Variants in ASXL3 observed in about 807,000 individuals in gnomAD.
ASXL3 encodes the protein putative Polycomb group protein ASXL3.
Under a neutral mutation model 170.6 loss-of-function variants are expected in ASXL3, and 34 were observed. The observed-to-expected ratio is 0.20, with a 90% CI of 0.15 to 0.27. The LOEUF is 0.27. Among genes scored for constraint, ASXL3 ranks in the 10% least tolerant of loss-of-function variants. ASXL3 has a pLI of 1.00. For synonymous variants in ASXL3, 1,002 were observed against 989.1 expected (o/e 1.01, Z -0.24); for missense variants, 2,592 against 2,695.3 (o/e 0.96, Z 0.85).
At chr18:33,719,534 G>A (rs969760663) in intron 8 of ASXL3, among the ~76,000 whole-genome samples, 2 of 151,962 alleles carry the variant, frequency 1.3e-5, no homozygotes, top group Non-Finnish European at 2.9e-5. Context: ...TAATGGAAAA[G>A]GTATCATTTT....
chr18:33,623,000 C>T (rs558014919), intron 2 of ASXL3, among the ~76,000 whole-genome samples: 81 of 152,114 alleles, frequency 5.3e-4, no homozygotes, highest in African/African-American at 1.9e-3. Flanking sequence ...TCACTTTTTA[C>T]CTTTGAAAAA....
chr18:33,706,077 G>A (rs1350616954), intron 8 of ASXL3, among the ~76,000 whole-genome samples: 2 of 148,414 alleles, frequency 1.3e-5, no homozygotes, highest in Non-Finnish European at 3.0e-5. Context: ...TCCATTGAGT[G>A]ACATAATAAT....
intron 1 of ASXL3, among the ~76,000 whole-genome samples, chr18:33,601,767 T>A (rs2065185024): frequency 2.4e-5 from 2 of 83,528 alleles, no homozygotes; most frequent in Admixed American, 2.3e-4. Flanking sequence ...ATCTGAGAAT[T>A]TAAGTAAATA....
At position 33,749,073 on chromosome 18, in the gene ASXL3, G is replaced by C. The variant is rs1371859734; in HGVS notation, c.*2478G>C. 1 of 111,398 alleles carries C rather than the reference G, an allele frequency of 9.0e-6. No homozygotes were observed. The highest frequency in any genetic ancestry group is 1.7e-5 in the Non-Finnish European group (1 of 59,586). The allele number at this position is 111,398 out of a possible 1,614,324, so 6.9% of individuals were successfully genotyped here. A position where few individuals can be genotyped will look rare whatever the true frequency, so the allele number is the denominator to read the frequency against. On this transcript the variant is annotated 3_prime_UTR_variant, in exon 12 of 12. Coordinates refer to ENST00000269197, the MANE Select transcript of ASXL3 (RefSeq NM_030632.3). ...GGTCCGATTAGCATAATTTTTCTGC[G>C]CCCTTTTTTTTTTTTTTTTTGCTCC...
At chr18:33,606,402 G>T (rs1453273613) in intron 1 of ASXL3, among the ~76,000 whole-genome samples, 2 of 151,940 alleles carry the variant, frequency 1.3e-5, no homozygotes, top group African/African-American at 2.4e-5. Flanking sequence ...ACTAGAAAGA[G>T]AGAATAGGAA....
intron 5 of ASXL3, among the ~76,000 whole-genome samples, chr18:33,663,204 G>C (rs1472392889): frequency 6.6e-6 from 1 of 152,116 alleles, no homozygotes; most frequent in Admixed American, 6.5e-5. Flanking sequence ...CAGCAAATAA[G>C]ATGCAGGTAA....
intron 2 of ASXL3, among the ~76,000 whole-genome samples, chr18:33,628,620 A>G (rs1229258144): frequency 6.6e-6 from 1 of 152,206 alleles, no homozygotes; most frequent in East Asian, 1.9e-4. Flanking sequence ...AACTTACTCT[A>G]AGGATCTGTG....
In ASXL3 at chr18:33,743,360, A is replaced by C; in HGVS notation, c.3512A>C (p.Lys1171Thr). ...VNPNCRSPSN[K>T]SAHLRETTTV... ...CCAAACTGTAGATCTCCTAGCAACA[A>C]GTCTGCCCACCTCCGGGAGACCACC... Residue 1171 changes from lysine to threonine, a missense_variant, in exon 12 of 12, where the codon AAG (lysine) becomes ACG (threonine). Lys to Thr is a moderately conservative substitution (Grantham distance 78). Transcript: ENST00000269197. The C allele has an allele frequency of 6.2e-7, 1 of 1,613,548 alleles. No individual in the cohort carries two copies. The highest frequency in any genetic ancestry group is 1.1e-5 in the South Asian group (1 of 91,080).
intron 2 of ASXL3, among the ~76,000 whole-genome samples, chr18:33,622,950 A>C (rs2065538219): frequency 6.6e-6 from 1 of 152,120 alleles, no homozygotes; most frequent in Non-Finnish European, 1.5e-5. Flanking sequence ...TTTTTCATTA[A>C]ATCCCATGTG....
chr18:33,737,773 C>G (rs1023331578), intron 10 of ASXL3, among the ~76,000 whole-genome samples: 2 of 152,082 alleles, frequency 1.3e-5, no homozygotes, highest in Non-Finnish European at 2.9e-5. Context: ...TTGAGTAATA[C>G]TTCTTAGATT....
At chr18:33,674,720 C>G (rs2066398123) in intron 7 of ASXL3, among the ~76,000 whole-genome samples, 1 of 151,902 alleles carries the variant, frequency 6.6e-6, no homozygotes, top group African/African-American at 2.4e-5. Context: ...TCGGGTTCAC[C>G]CCATTCTGCT....
chr18:33,599,563 TG>T (rs2065163052), intron 1 of ASXL3, among the ~76,000 whole-genome samples: 1 of 152,136 alleles, frequency 6.6e-6, no homozygotes, highest in African/African-American at 2.4e-5. Context: ...ACCGAGCAAT[TG>T]GAAAACAATG....
At chr18:33,731,210 C>CA (rs5823916) in intron 8 of ASXL3, among the ~76,000 whole-genome samples, 60,846 of 151,722 alleles carry the variant, frequency 0.4, 13,223 homozygotes, top group East Asian at 0.81. Flanking sequence ...CAAAAACAAA[C>CA]AAAAAAGTGA....
intron 1 of ASXL3, among the ~76,000 whole-genome samples, chr18:33,602,425 T>G (rs1450574769): frequency 6.6e-6 from 1 of 152,100 alleles, no homozygotes; most frequent in Non-Finnish European, 1.5e-5. Context: ...CTGTGAATAC[T>G]GGGTATTTGC....
intron 1 of ASXL3, among the ~76,000 whole-genome samples, chr18:33,590,285 A>C (rs886654312): frequency 2.6e-5 from 4 of 151,792 alleles, no homozygotes; most frequent in Non-Finnish European, 5.9e-5. Flanking sequence ...CCCAGGCCAT[A>C]TCTCTCTCTT....
Position 33,738,725 on chromosome 18 carries a change from G to A in ASXL3, c.1321G>A (p.Asp441Asn), listed in dbSNP as rs769342199. ...KDIMAELESE[D>N]ILIPEESVIQ... ...TATAATGGCAGAATTGGAGTCAGAG[G>A]ATATCTTGATCCCTGAAGAATCTGT... The change falls in exon 11 of 12, where the codon GAT (aspartate) becomes AAT (asparagine). Residue 441 changes from aspartate to asparagine, a missense_variant. Asp to Asn is a conservative substitution (Grantham distance 23, BLOSUM62 1). Around this residue, in one of 4 missense-constraint regions of ASXL3, gnomAD observed 2,246 missense variants for 2,219.6 expected, o/e 1.01. Coordinates refer to ENST00000269197, the MANE Select transcript of ASXL3 (RefSeq NM_030632.3). The A allele has an allele frequency of 1.9e-6, 3 of 1,613,814 alleles. No homozygotes were observed. Among genetic ancestry groups the A allele is most frequent in the Non-Finnish European group, 2.5e-6 (3 of 1,179,882 alleles).
intron 8 of ASXL3, among the ~76,000 whole-genome samples, chr18:33,712,808 A>T (rs2067090156): frequency 6.6e-6 from 1 of 152,182 alleles, no homozygotes; most frequent in Admixed American, 6.5e-5. Context: ...AGTCCCAGAA[A>T]ATGGTAGCTT....
chr18:33,734,341 A>C lies in ASXL3; in HGVS notation c.1008A>C (p.Ile336=). ...TTACCCCAGAAATGCAGTTGCGGATAAGGCAAGAAATTGAGAAGGAAAAGA... is the reference window on the plus strand; with the variant it reads ...TTACCCCAGAAATGCAGTTGCGGATCAGGCAAGAAATTGAGAAGGAAAAGA... ...GEFTPEMQLR[I]RQEIEKEKKT... Residue 336 remains isoleucine (I), a synonymous_variant, in exon 10 of 12, where the codon ATA becomes ATC. Coordinates refer to ENST00000269197, the MANE Select transcript of ASXL3 (RefSeq NM_030632.3). 1 of 1,607,952 alleles carries C rather than the reference A, an allele frequency of 6.2e-7. No individual in the cohort carries two copies. Among genetic ancestry groups the C allele is most frequent in the Non-Finnish European group, 8.5e-7 (1 of 1,177,496 alleles).
At position 33,746,577 on chromosome 18, in the gene ASXL3, A is replaced by C; in HGVS notation, c.6729A>C (p.Ala2243=). The C allele has an allele frequency of 6.3e-7, 1 of 1,590,648 alleles. No homozygotes were observed. Among genetic ancestry groups the C allele is most frequent in the East Asian group, 2.3e-5 (1 of 44,296 alleles). ...TAGGTCCTTCAAAACTTTGTGTAGC[A>C]TGCCTGGTTGTACGATAAGAGCTGA... The part of the protein sequence containing the change: ...DCIGPSKLCV[A]CLVVR The change falls in exon 12 of 12, where the codon GCA becomes GCC. Residue 2243 remains alanine (A), a synonymous_variant. Coordinates refer to ENST00000269197, the MANE Select transcript of ASXL3 (RefSeq NM_030632.3).
Sources: gnomAD v4.1 joint callset for allele counts (sites outside exome capture counted in the v4.1 genomes callset) on GRCh38, gnomAD v4.1.1 for gene constraint, gnomAD v4.1.1 regional missense constraint, MANE v1.5 for transcripts, NCBI Gene and HGNC (gene_info 2026-07-23, HGNC 2026-07-21) for gene names.